PARD6G: variants seen among roughly 807,000 people sequenced by gnomAD.
The protein encoded by PARD6G is par-6 family cell polarity regulator gamma, also known as partitioning defective 6 homolog gamma.
In PARD6G, 7 loss-of-function variants were observed where a neutral mutation model predicts 10.7. The ratio of observed to expected loss-of-function variants is 0.66; its 90% CI spans 0.37 to 1.23. The LOEUF (loss-of-function observed/expected upper bound fraction) is 1.23, where lower values mean the gene tolerates loss of function less well. Among genes scored for constraint, PARD6G ranks in the 50% most tolerant of loss-of-function variants. The pLI, the probability that PARD6G is intolerant of heterozygous loss-of-function variation, is 0.02. For synonymous variants in PARD6G, 287 were observed against 269.4 expected, an observed-to-expected ratio of 1.07 and a Z score of -0.64; for missense variants, 548 against 571.8, an observed-to-expected ratio of 0.96 and a Z score of 0.42.
rs1435390745 is a variant in PARD6G at position 80,200,153 on chromosome 18, G to C, written c.295+2557C>G. ...ATAGCATGACCGTGACTGACCCCTCGACACCCCTGCTGCAGTAAAAAGGCT... is the reference window on the plus strand; with the variant it reads ...ATAGCATGACCGTGACTGACCCCTCCACACCCCTGCTGCAGTAAAAAGGCT... On this transcript the variant is annotated intron_variant, in intron 2 of 2. Coordinates refer to ENST00000353265, the MANE Select transcript of PARD6G (RefSeq NM_032510.4). The surrounding 1 kb of genome is among the most constrained non-coding windows in gnomAD (Gnocchi z 4.4). Among the ~76,000 whole-genome samples the C allele has an allele frequency of 6.6e-6, 1 of 151,998 alleles. No individual in the cohort carries two copies. The highest frequency in any genetic ancestry group is 2.4e-5 in the African/African-American group (1 of 41,390).
At chr18:80,162,809 C>T (rs13381391) in intron 2 of PARD6G, among the ~76,000 whole-genome samples, 5,890 of 152,162 alleles carry the variant, frequency 0.039, 206 homozygotes, top group African/African-American at 0.096. Context: ...GAGAAGACGC[C>T]GGAGGGTGAG....
chr18:80,166,156 T>C (rs772955026), intron 2 of PARD6G, among the ~76,000 whole-genome samples: 8 of 152,094 alleles, frequency 5.3e-5, no homozygotes, highest in Non-Finnish European at 8.8e-5. Context: ...TAAACAAATG[T>C]GACTGTTCCC....
In PARD6G at chr18:80,189,883, A is replaced by G. The variant is rs1966883133; in HGVS notation, c.295+12827T>C. On this transcript the variant is annotated intron_variant, in intron 2 of 2. Transcript: ENST00000353265. This position sits in a 1 kb window ranked among gnomAD's most constrained non-coding sequence, Gnocchi z 5.5. ...AAACAGCTGGTTTGAAATACCATGT[A>G]GGATATGATTTATCTACCAAAGAGC... Among the ~76,000 whole-genome samples, 1 of 152,230 alleles carries G rather than the reference A, an allele frequency of 6.6e-6. No homozygotes were observed. Among genetic ancestry groups the G allele is most frequent in the Non-Finnish European group, 1.5e-5 (1 of 68,040 alleles).
At chr18:80,242,892 G>C (rs367589082) in intron 1 of PARD6G, among the ~76,000 whole-genome samples, 3 of 152,180 alleles carry the variant, frequency 2.0e-5, no homozygotes, top group African/African-American at 7.2e-5. Flanking sequence ...CCCAGCGCTA[G>C]AAGGAGGAAA....
chr18:80,222,127 C>T (rs565634195), intron 1 of PARD6G, among the ~76,000 whole-genome samples: 2 of 152,020 alleles, frequency 1.3e-5, no homozygotes, highest in South Asian at 4.2e-4. Flanking sequence ...CTCTGTCACC[C>T]AGGCTGGAGT....
chr18:80,196,517 A>T (rs1293000024), intron 2 of PARD6G, among the ~76,000 whole-genome samples: 1 of 152,234 alleles, frequency 6.6e-6, no homozygotes, highest in African/African-American at 2.4e-5. Context: ...ATTTAAGAAA[A>T]GTAAGAAAAT....
intron 1 of PARD6G, among the ~76,000 whole-genome samples, chr18:80,218,168 A>G (rs941867515): frequency 6.6e-6 from 1 of 152,086 alleles, no homozygotes; most frequent in Non-Finnish European, 1.5e-5. Context: ...AAACACAATC[A>G]TACCCTTCCA....
At position 80,202,720 on chromosome 18, in the gene PARD6G, G is replaced by T; in HGVS notation, c.285C>A (p.Ile95=). The change falls in exon 2 of 3, where the codon ATC becomes ATA. Residue 95 remains isoleucine, a synonymous_variant. Coordinates refer to ENST00000353265, the MANE Select transcript of PARD6G (RefSeq NM_032510.4). The part of the protein sequence containing the change: ...SSANPLLRVF[I]QKREEAERGS... The stretch of plus-strand genomic sequence containing the variant: ...CAACCACTTCAGTACCTCGTTTCTG[G>T]ATGAAGACCCTGAGCAGGGGATTTG... The T allele has an allele frequency of 5.6e-6, 9 of 1,612,816 alleles. No individual in the cohort carries two copies. Among genetic ancestry groups the T allele is most frequent in the Non-Finnish European group, 7.6e-6 (9 of 1,179,918 alleles).
intron 1 of PARD6G, among the ~76,000 whole-genome samples, chr18:80,232,374 G>T (rs930545169): frequency 6.6e-6 from 1 of 152,144 alleles, no homozygotes; most frequent in Non-Finnish European, 1.5e-5. Context: ...CCGTTTTCAC[G>T]CTGCTGATAA....
chr18:80,167,651 T>C (rs2052745714), intron 2 of PARD6G, among the ~76,000 whole-genome samples: 1 of 152,074 alleles, frequency 6.6e-6, no homozygotes, highest in African/African-American at 2.4e-5. Flanking sequence ...TCCCCCAGCG[T>C]CTCTGATGCT....
chr18:80,243,834 A>G (rs1424024546), intron 1 of PARD6G, among the ~76,000 whole-genome samples: 2 of 152,118 alleles, frequency 1.3e-5, no homozygotes, highest in African/African-American at 4.8e-5. Context: ...AAACTAGGGA[A>G]ACACAGGCCA....
rs139429765 is a variant in PARD6G, at chr18:80,202,343, A to G, written c.295+367T>C. Among the ~76,000 whole-genome samples the G allele has an allele frequency of 8.1e-4, 123 of 152,340 alleles. 2 individuals carry two copies. In the East Asian group the frequency reaches 0.024, roughly 29 times the overall value. On this transcript the variant is annotated intron_variant, in intron 2 of 2. Coordinates refer to ENST00000353265, the MANE Select transcript of PARD6G (RefSeq NM_032510.4). Reference sequence around the variant, plus strand: ...AAAGTTAACCAAAGTTATCATCGAAAGCTAACATGCTCCCTCCTCCTAACA... The same window carrying G: ...AAAGTTAACCAAAGTTATCATCGAAGGCTAACATGCTCCCTCCTCCTAACA...
rs1411643928 is a variant in PARD6G, at chr18:80,217,567, GTCT to G, written c.73-14638_73-14636del. ...GTGATCAAGATACCACTTTACCACT[GTCT>G]TCTTCTTCCCCCAAACCCATAATCC... On this transcript the variant is annotated intron_variant, in intron 1 of 2. Transcript: ENST00000353265. Among the ~76,000 whole-genome samples, 3 of 152,112 alleles carry G rather than the reference GTCT, an allele frequency of 2.0e-5. No homozygotes were observed. The East Asian group carries it at 5.8e-4, about 29-fold the overall frequency.
chr18:80,163,528 C>A (rs566235054), intron 2 of PARD6G, among the ~76,000 whole-genome samples: 1 of 152,322 alleles, frequency 6.6e-6, no homozygotes, highest in South Asian at 2.1e-4. Flanking sequence ...ATCCCGGGAG[C>A]CCCACCCCTG....
At chr18:80,227,990 G>C (rs1361021753) in intron 1 of PARD6G, among the ~76,000 whole-genome samples, 1 of 152,202 alleles carries the variant, frequency 6.6e-6, no homozygotes, top group Non-Finnish European at 1.5e-5. Flanking sequence ...GAGCCAGGTA[G>C]AAACTTACTC....
intron 2 of PARD6G, among the ~76,000 whole-genome samples, chr18:80,199,262 C>T (rs1265629502): frequency 6.6e-6 from 1 of 152,184 alleles, no homozygotes; most frequent in Non-Finnish European, 1.5e-5. Flanking sequence ...CCAAAGTCAT[C>T]ATACAATATG....
At position 80,201,463 on chromosome 18, in the gene PARD6G, A is replaced by T. The variant is rs1967006192; in HGVS notation, c.295+1247T>A. Among the ~76,000 whole-genome samples, 1 of 152,176 alleles carries T rather than the reference A, an allele frequency of 6.6e-6. No homozygotes were observed. Among genetic ancestry groups the T allele is most frequent in the Non-Finnish European group, 1.5e-5 (1 of 68,024 alleles). ...TGCCCCCAGCAACCCCGAAGGACTG[A>T]TGTGGAAGCTGAAGCTCAGCCCGTC... On this transcript the variant is annotated intron_variant, in intron 2 of 2. Transcript: ENST00000353265. The surrounding 1 kb of genome is among the most constrained non-coding windows in gnomAD (Gnocchi z 5.9).
chr18:80,167,447 G>T (rs1396654008), intron 2 of PARD6G, among the ~76,000 whole-genome samples: 1 of 152,168 alleles, frequency 6.6e-6, no homozygotes, highest in Non-Finnish European at 1.5e-5. Context: ...TACTCCTGGG[G>T]ACAGGGACAC....
chr18:80,247,234 A>G lies in PARD6G; in HGVS notation c.72+43T>C, dbSNP rs1967563695. ...CCGCGGGGCGCCCCATTCATTAGCC[A>G]GGAGACTGGGCGCAGGGCCGCCGGG... On this transcript the variant is annotated intron_variant, in intron 1 of 2. Coordinates refer to ENST00000353265, the MANE Select transcript of PARD6G (RefSeq NM_032510.4). This position sits in a 1 kb window ranked among gnomAD's most constrained non-coding sequence, Gnocchi z 4.2. 6.7e-7 allele frequency: 1 copy of G among 1,502,906 alleles called. No homozygotes were observed. Among genetic ancestry groups the G allele is most frequent in the East Asian group, 2.6e-5 (1 of 38,074 alleles). The allele number at this position is 1,502,906 out of a possible 1,614,324, so 93.1% of individuals were successfully genotyped here.
Sources: allele counts gnomAD v4.1 joint callset (sites outside exome capture counted in the v4.1 genomes callset), GRCh38; gene constraint gnomAD v4.1.1; non-coding constraint Gnocchi (gnomAD v3.1); transcripts MANE v1.5; gene names NCBI Gene and HGNC (gene_info 2026-07-23, HGNC 2026-07-21).